Variants in MTHFD1L observed in about 807,000 individuals in gnomAD.
The protein encoded by MTHFD1L is monofunctional C1-tetrahydrofolate synthase, mitochondrial.
In MTHFD1L, 81 loss-of-function variants were observed where a neutral mutation model predicts 119.5. The ratio of observed to expected loss-of-function variants is 0.68; its 90% CI spans 0.57 to 0.82. The LOEUF is 0.82. Ranked by LOEUF, MTHFD1L falls within the 40% of genes least tolerant of loss-of-function variation. MTHFD1L has a pLI of 0.00. For missense variants in MTHFD1L, 1,125 were observed against 1,253.4 expected (o/e 0.90, Z 1.55); for synonymous variants, 430 against 475.2 (o/e 0.90, Z 1.24).
At chr6:151,026,820 CTTTTTTTTTTTTT>C (rs1158007442) in intron 24 of MTHFD1L, among the ~76,000 whole-genome samples, 7 of 51,264 alleles carry the variant, frequency 1.4e-4, no homozygotes, top group Admixed American at 3.4e-4. Flanking sequence ...CCTTTCTATC[CTTTTTTTTTTTTT>C]TTTTTTTTTT....
At chr6:150,876,067 T>A in intron 1 of MTHFD1L, 23 bp from the exon 2 acceptor site, 1 of 1,534,872 alleles carries the variant, frequency 6.5e-7, no homozygotes, top group Non-Finnish European at 9.0e-7. Flanking sequence ...GAAATCACAA[T>A]GTTGTTTTCT....
chr6:150,987,251 A>C (rs1054242723), intron 20 of MTHFD1L, among the ~76,000 whole-genome samples: 41 of 151,974 alleles, frequency 2.7e-4, no homozygotes, highest in Middle Eastern at 3.2e-3. Flanking sequence ...GACCCTTTAG[A>C]GGTTTGAGAC....
At chr6:150,998,996 A>AAAAAAAAAATG (rs55972940) in intron 20 of MTHFD1L, among the ~76,000 whole-genome samples, 88 of 110,382 alleles carry the variant, frequency 8.0e-4, no homozygotes, top group Middle Eastern at 5.7e-3. Context: ...TCTTAAAAAA[A>AAAAAAAAAATG]TATATATACA....
At chr6:151,002,247 A>C (rs1455206295) in intron 20 of MTHFD1L, among the ~76,000 whole-genome samples, 1 of 152,210 alleles carries the variant, frequency 6.6e-6, no homozygotes, top group Non-Finnish European at 1.5e-5. Context: ...CCTTGGTTTT[A>C]GTCCAAGCTC....
At chr6:150,876,948 A>G (rs1212797918) in intron 2 of MTHFD1L, among the ~76,000 whole-genome samples, 2 of 152,230 alleles carry the variant, frequency 1.3e-5, no homozygotes, top group African/African-American at 4.8e-5. Flanking sequence ...AAGTTAGAAC[A>G]ATAGAAAGAA....
At chr6:150,960,727 T>C (rs886121813) in intron 18 of MTHFD1L, among the ~76,000 whole-genome samples, 2 of 152,146 alleles carry the variant, frequency 1.3e-5, no homozygotes, top group Non-Finnish European at 2.9e-5. Flanking sequence ...CTGCAGTCAC[T>C]TGGTGACTTT....
chr6:151,029,384 A>G (rs1785027482), intron 24 of MTHFD1L, among the ~76,000 whole-genome samples: 1 of 151,550 alleles, frequency 6.6e-6, no homozygotes, highest in Non-Finnish European at 1.5e-5. Flanking sequence ...TCGCGCCACT[A>G]CACTACCAGC....
chr6:150,926,446 T>A lies in MTHFD1L; in HGVS notation c.1256+151T>A. 1.3e-6 allele frequency: 1 copy of A among 776,280 alleles called. No individual in the cohort carries two copies. The allele number at this position is 776,280 out of a possible 1,614,324, so 48.1% of individuals were successfully genotyped here. A position where few individuals can be genotyped will look rare whatever the true frequency, so the allele number is the denominator to read the frequency against. ...TGGCATTTCTTTATTTGGTGTGAGA[T>A]AAGTTTTTATTTTCAGTGCAGAGCA... On this transcript the variant is annotated intron_variant, in intron 11 of 27. Coordinates refer to ENST00000367321, the MANE Select transcript of MTHFD1L (RefSeq NM_015440.5). This position sits in a 1 kb window ranked among gnomAD's most constrained non-coding sequence, Gnocchi z 4.3.
chr6:150,961,715 C>T (rs1796482627), intron 18 of MTHFD1L, among the ~76,000 whole-genome samples: 1 of 150,962 alleles, frequency 6.6e-6, no homozygotes, highest in Non-Finnish European at 1.5e-5. Context: ...TCTCAGAAGT[C>T]TTGTCAAGTA....
In MTHFD1L at chr6:150,866,577, G is replaced by C. The variant is rs113421820; in HGVS notation, c.227+528G>C. The C allele has an allele frequency of 1.3e-3, 1,641 of 1,227,852 alleles. 20 individuals are homozygous for C. In the African/African-American group the frequency reaches 0.023, roughly 17 times the overall value. The allele number at this position is 1,227,852 out of a possible 1,614,324, so 76.1% of individuals were successfully genotyped here. ...GTGTTGTGCGCCCTTCCCCGCGCGC[G>C]GCCCCTCCTGCTGGGCTGGGGTCTG... On this transcript the variant is annotated intron_variant, in intron 1 of 27. Transcript: ENST00000367321.
chr6:150,958,664 A>G (rs1583800337), intron 17 of MTHFD1L, among the ~76,000 whole-genome samples: 1 of 152,218 alleles, frequency 6.6e-6, no homozygotes, highest in Non-Finnish European at 1.5e-5. Flanking sequence ...TACACCTACT[A>G]TATACCTAAA....
chr6:150,930,905 A>G (rs1204168031), intron 11 of MTHFD1L, among the ~76,000 whole-genome samples: 2 of 152,238 alleles, frequency 1.3e-5, no homozygotes, highest in Non-Finnish European at 2.9e-5. Context: ...TCTGCATTTC[A>G]TCAACTACAT....
chr6:150,988,278 T>C (rs1174905539), intron 20 of MTHFD1L, among the ~76,000 whole-genome samples: 1 of 152,208 alleles, frequency 6.6e-6, no homozygotes, highest in East Asian at 1.9e-4. Flanking sequence ...ACTTTAAAAT[T>C]ACGTTATATG....
intron 10 of MTHFD1L, among the ~76,000 whole-genome samples, chr6:150,925,123 G>T (rs542849441): frequency 2.6e-5 from 4 of 152,286 alleles, no homozygotes; most frequent in African/African-American, 9.6e-5. Context: ...GGGCCAAGGG[G>T]CTGACTAAAG....
At position 150,934,839 on chromosome 6, in the gene MTHFD1L, C is replaced by T. The variant is rs184652182; in HGVS notation, c.1257-1965C>T. On this transcript the variant is annotated intron_variant, in intron 11 of 27. Coordinates refer to ENST00000367321, the MANE Select transcript of MTHFD1L (RefSeq NM_015440.5). ...TGCTTATCCCTCGTAGAAATGCCTG[C>T]CAATGCTTTCTCATTTGGACCCAAA... is the stretch of plus-strand genomic sequence containing the variant. 6.8e-6 allele frequency: 8 copies of T among 1,183,556 alleles called. No homozygotes were observed. The Admixed American group carries it at 2.0e-4, about 30-fold the overall frequency. 73.3% of individuals were successfully genotyped at this position (1,183,556 alleles called of 1,614,324 possible).
rs562696254 is a variant in MTHFD1L at position 150,931,351 on chromosome 6, T to A, written c.1256+5056T>A. On this transcript the variant is annotated intron_variant, in intron 11 of 27. Coordinates refer to ENST00000367321, the MANE Select transcript of MTHFD1L (RefSeq NM_015440.5). ...AAAATGTTTCAACCCTTTATTTCGG[T>A]ACAATGTTAAAATAATCTGACTTTT... Among the ~76,000 whole-genome samples the A allele has an allele frequency of 2.6e-5, 4 of 151,486 alleles. No individual in the cohort carries two copies. The South Asian group carries it at 8.3e-4, about 31-fold the overall frequency.
intron 8 of MTHFD1L, among the ~76,000 whole-genome samples, chr6:150,911,018 A>G (rs989897328): frequency 2.0e-5 from 3 of 152,200 alleles, no homozygotes; most frequent in African/African-American, 7.2e-5. Context: ...TCCAAAATCC[A>G]TTGTACCTAT....
intron 26 of MTHFD1L, among the ~76,000 whole-genome samples, chr6:151,090,882 GGGTGC>G (rs1794325660): frequency 1.5e-5 from 2 of 134,020 alleles, no homozygotes; most frequent in South Asian, 4.9e-4. Context: ...CCATGCGACT[GGGTGC>G]AGCATTGCCC....
Position 150,882,826 on chromosome 6 carries a change from C to T in MTHFD1L, c.482C>T (p.Ser161Phe), listed in dbSNP as rs1646750772. The T allele has an allele frequency of 6.3e-7, 1 of 1,579,794 alleles. No individual in the cohort carries two copies. Among genetic ancestry groups the T allele is most frequent in the African/African-American group, 1.4e-5 (1 of 72,350 alleles). Residue 161 changes from serine to phenylalanine, a missense_variant, in exon 5 of 28, where the codon TCT (serine) becomes TTT (phenylalanine). Around this residue, in one of 3 missense-constraint regions of MTHFD1L, gnomAD observed 1,058 missense variants for 1,151.2 expected, o/e 0.92. Transcript: ENST00000367321. ...TRVHGLALQI[S>F]ENLFSNKVLN... ...GTACATGGCCTTGCCCTTCAGATCT[C>T]TGAGAACTTGTTTAGCAACAAAGTC...
Sources: allele counts gnomAD v4.1 joint callset (sites outside exome capture counted in the v4.1 genomes callset), GRCh38; gene constraint gnomAD v4.1.1; regional missense constraint gnomAD v4.1.1; non-coding constraint Gnocchi (gnomAD v3.1); transcripts MANE v1.5; gene names NCBI Gene and HGNC (gene_info 2026-07-23, HGNC 2026-07-21).